Variants in FOXP4 observed in about 807,000 individuals in gnomAD.
FOXP4 encodes the protein forkhead box P4, also known as forkhead box protein P4.
Under a neutral mutation model 82.6 loss-of-function variants are expected in FOXP4, and 25 were observed. The observed-to-expected ratio is 0.30, with a 90% confidence interval of 0.22 to 0.42. The LOEUF is 0.42. FOXP4 is among the 10% of genes least tolerant of loss of function. FOXP4 has a pLI of 1.00. For synonymous variants in FOXP4, 415 were observed against 388.2 expected (o/e 1.07, Z -0.81); for missense variants, 785 against 900.9 (o/e 0.87, Z 1.65).
At chr6:41,587,226 C>G in intron 6 of FOXP4, 70 bp downstream of exon 6, 1 of 1,608,104 alleles carries the variant, frequency 6.2e-7, no homozygotes. Context: ...CAGCTGGCAG[C>G]CCCTGTTCTT....
At chr6:41,578,176 C>T (rs1408163643) in intron 3 of FOXP4, 95 bp downstream of exon 3, 15 of 1,029,156 alleles carry the variant, frequency 1.5e-5, no homozygotes, top group Non-Finnish European at 1.9e-5. Flanking sequence ...CTGCTCTTGC[C>T]AGTTCCAACA....
At chr6:41,592,402 T>A (rs1766574237) in intron 13 of FOXP4, among the ~76,000 whole-genome samples, 1 of 152,202 alleles carries the variant, frequency 6.6e-6, no homozygotes, top group Non-Finnish European at 1.5e-5. Flanking sequence ...GGGAGGCTGT[T>A]GGGACAGCTG....
intron 3 of FOXP4, among the ~76,000 whole-genome samples, chr6:41,582,823 C>G (rs949774836): frequency 1.3e-5 from 2 of 152,114 alleles, no homozygotes; most frequent in Non-Finnish European, 2.9e-5. Flanking sequence ...GCCTCATCAG[C>G]CCCCTCAGCC....
At chr6:41,570,167 A>T (rs1765117885) in intron 2 of FOXP4, 1 of 387,062 alleles carries the variant, frequency 2.6e-6, no homozygotes, top group African/African-American at 2.1e-5. Context: ...ATTTCTCTTC[A>T]GGACTGCTGG....
At chr6:41,589,228 ACT>A (rs1435371107) in intron 9 of FOXP4, among the ~76,000 whole-genome samples, 2 of 152,206 alleles carry the variant, frequency 1.3e-5, no homozygotes, top group African/African-American at 4.8e-5. Flanking sequence ...GAGAGGGGAC[ACT>A]CAGCAGCACA....
At chr6:41,547,137 G>A (rs1237742236) in intron 1 of FOXP4, among the ~76,000 whole-genome samples, 1 of 151,962 alleles carries the variant, frequency 6.6e-6, no homozygotes, top group East Asian at 1.9e-4. Flanking sequence ...AGCTGCCTCG[G>A]GAACAGGTGG....
At position 41,591,330 on chromosome 6, in the gene FOXP4, A is replaced by G. The variant is rs1581782829; in HGVS notation, c.1536+8A>G. 1 of 1,585,386 alleles carries G rather than the reference A, an allele frequency of 6.3e-7. No homozygotes were observed. The highest frequency in any genetic ancestry group is 2.3e-5 in the East Asian group (1 of 44,172). The stretch of plus-strand genomic sequence containing the variant: ...AACACTGCCACCTGGAAGGTGAAGC[A>G]GGCCCCTTCCACCTTCTGGGCCCCA... On this transcript the variant is annotated splice_region_variant and intron_variant, in intron 13 of 16. Coordinates refer to ENST00000307972, the MANE Select transcript of FOXP4 (RefSeq NM_001012426.2). This position sits in a 1 kb window ranked among gnomAD's most constrained non-coding sequence, Gnocchi z 4.2.
At chr6:41,598,024 CT>C in intron 16 of FOXP4, 74 bp downstream of exon 16, 1 of 1,305,508 alleles carries the variant, frequency 7.7e-7, no homozygotes. Context: ...ATCCCCCACC[CT>C]GGGTGGGGTT....
intron 2 of FOXP4, among the ~76,000 whole-genome samples, chr6:41,575,599 A>T (rs1376304705): frequency 6.6e-6 from 1 of 152,074 alleles, no homozygotes; most frequent in African/African-American, 2.4e-5. Flanking sequence ...CAGGAATGAG[A>T]CTGCAAGGCC....
chr6:41,585,599 C>A (rs959064398), intron 5 of FOXP4, 82 bp downstream of exon 5: 1 of 1,289,892 alleles, frequency 7.8e-7, no homozygotes, highest in Non-Finnish European at 1.1e-6. Context: ...GAGGGAATTG[C>A]CTTGCAGGAA....
chr6:41,586,975 C>G (rs1409487391), intron 5 of FOXP4, 34 bp from the exon 6 acceptor site: 1 of 1,544,758 alleles, frequency 6.5e-7, no homozygotes, highest in Admixed American at 1.8e-5. Context: ...CTGATGGCAC[C>G]CCTCTCTGCC....
chr6:41,597,128 A>C, intron 14 of FOXP4, 48 bp from the exon 15 acceptor site: 88 of 1,578,198 alleles, frequency 5.6e-5, no homozygotes, highest in Non-Finnish European at 7.1e-5. Context: ...ATGCGAATGA[A>C]GAGCTAAGTG....
intron 1 of FOXP4, among the ~76,000 whole-genome samples, chr6:41,547,107 C>T (rs1763674475): frequency 6.6e-6 from 1 of 151,780 alleles, no homozygotes; most frequent in African/African-American, 2.4e-5. Context: ...CCGCCCCTGG[C>T]CCGGGCCCCA....
intron 1 of FOXP4, among the ~76,000 whole-genome samples, chr6:41,555,947 T>C (rs1488438596): frequency 2.6e-5 from 4 of 152,164 alleles, no homozygotes; most frequent in Admixed American, 2.6e-4. Context: ...TTTCTTTTTT[T>C]CCCCCTGTAT....
chr6:41,597,280 C>G (rs1477139663), intron 15 of FOXP4, 38 bp downstream of exon 15: 1 of 1,604,150 alleles, frequency 6.2e-7, no homozygotes. Context: ...CCTCTACCTC[C>G]CGCCCCCTTG....
In FOXP4 at chr6:41,578,096, A is replaced by G. The variant is rs1765589866; in HGVS notation, c.300+15A>G. 6.2e-7 allele frequency: 1 copy of G among 1,608,280 alleles called. No individual in the cohort carries two copies. The highest frequency in any genetic ancestry group is 1.3e-5 in the African/African-American group (1 of 74,790). On this transcript the variant is annotated intron_variant, in intron 3 of 16. Transcript: ENST00000307972. ...CTGCTGTGCAGGTGAGGAAGAGAGCACCCCGCTGGCTCTGGGTTGGGCTGG... is the reference window on the plus strand; with the variant it reads ...CTGCTGTGCAGGTGAGGAAGAGAGCGCCCCGCTGGCTCTGGGTTGGGCTGG...
At chr6:41,595,567 CTTAT>C (rs1368547635) in intron 14 of FOXP4, among the ~76,000 whole-genome samples, 6 of 152,022 alleles carry the variant, frequency 3.9e-5, no homozygotes, top group African/African-American at 1.2e-4. Flanking sequence ...TATTTATTTA[CTTAT>C]TTATTTATTA....
At chr6:41,590,525 C>T (rs1766450803) in intron 12 of FOXP4, among the ~76,000 whole-genome samples, 178 bp downstream of exon 12, 1 of 152,164 alleles carries the variant, frequency 6.6e-6, no homozygotes, top group South Asian at 2.1e-4. Flanking sequence ...TGGGCCCTGT[C>T]AGCCTGCTGC....
chr6:41,558,744 G>A lies in FOXP4; in HGVS notation c.-16-7001G>A, dbSNP rs150853738. The stretch of plus-strand genomic sequence containing the variant: ...AAGCCAGTGGGCCTCTGGGGCCAGG[G>A]CTGAATGGGGGAGGCTGGTCCCTGG... On this transcript the variant is annotated intron_variant, in intron 1 of 16. Coordinates refer to ENST00000307972, the MANE Select transcript of FOXP4 (RefSeq NM_001012426.2). The surrounding 1 kb of genome is among the most constrained non-coding windows in gnomAD (Gnocchi z 4.0). Among the ~76,000 whole-genome samples, 196 of 152,338 alleles carry A rather than the reference G, an allele frequency of 1.3e-3. 1 individual carries two copies. The highest frequency in any genetic ancestry group is 4.5e-3 in the African/African-American group (186 of 41,582).
Sources: gnomAD v4.1 joint callset for allele counts (sites outside exome capture counted in the v4.1 genomes callset) on GRCh38, gnomAD v4.1.1 for gene constraint, Gnocchi (gnomAD v3.1) non-coding constraint, MANE v1.5 for transcripts, NCBI Gene and HGNC (gene_info 2026-07-23, HGNC 2026-07-21) for gene names.